Variants in NRXN1 observed in about 807,000 individuals in gnomAD.
NRXN1 encodes the protein neurexin 1.
Under a neutral mutation model 150.9 loss-of-function variants are expected in NRXN1, and 39 were observed. That is an observed-to-expected ratio of 0.26 (90% CI 0.20 to 0.34). The LOEUF is 0.34. Among genes scored for constraint, NRXN1 ranks in the 10% least tolerant of loss-of-function variants. The pLI is 1.00. For synonymous variants in NRXN1, 924 were observed against 757.0 expected (o/e 1.22, Z -3.62); for missense variants, 1,815 against 1,949.9 (o/e 0.93, Z 1.30).
chr2:50,510,409 C>T (rs1324929602), intron 12 of NRXN1, among the ~76,000 whole-genome samples: 1 of 141,002 alleles, frequency 7.1e-6, no homozygotes, highest in East Asian at 2.1e-4. Flanking sequence ...TTGCTTGAAC[C>T]CAGGAGGCGG....
chr2:51,023,039 T>G (rs1213986679), intron 2 of NRXN1, among the ~76,000 whole-genome samples: 1 of 152,170 alleles, frequency 6.6e-6, no homozygotes, highest in African/African-American at 2.4e-5. Context: ...GCCTTACATT[T>G]CAACACCTAA....
chr2:49,935,659 G>A (rs1670905322), intron 22 of NRXN1, among the ~76,000 whole-genome samples: 1 of 152,158 alleles, frequency 6.6e-6, no homozygotes, highest in Non-Finnish European at 1.5e-5. Context: ...GCTCCTCATG[G>A]AGGCAGCATG....
At chr2:50,503,626 A>G (rs978864172) in intron 13 of NRXN1, among the ~76,000 whole-genome samples, 10 of 152,116 alleles carry the variant, frequency 6.6e-5, no homozygotes, top group Non-Finnish European at 1.3e-4. Context: ...TTACAGCAGA[A>G]TGCTAAGCAT....
Position 50,662,461 on chromosome 2 carries a change from A to T in NRXN1, c.833-38846T>A, listed in dbSNP as rs1052343422. The stretch of plus-strand genomic sequence containing the variant: ...AACCTATTTCTTCTCTAATTAATAT[A>T]TTAGAAGGGTTTAGGGTAAGCTTCT... On this transcript the variant is annotated intron_variant, in intron 5 of 22. Transcript: ENST00000401669. Among the ~76,000 whole-genome samples, 4 of 152,056 alleles carry T rather than the reference A, an allele frequency of 2.6e-5. No homozygotes were observed. The East Asian group carries it at 7.8e-4, about 30-fold the overall frequency.
chr2:50,268,045 C>T, intron 17 of NRXN1, among the ~76,000 whole-genome samples: 1 of 152,052 alleles, frequency 6.6e-6, no homozygotes, highest in Non-Finnish European at 1.5e-5. Flanking sequence ...AAAAAATCAG[C>T]TGGGTGTGGT....
intron 8 of NRXN1, among the ~76,000 whole-genome samples, chr2:50,589,722 C>A (rs987087478): frequency 9.0e-6 from 1 of 110,866 alleles, no homozygotes; most frequent in African/African-American, 3.0e-5. Flanking sequence ...AGTAGGTTTG[C>A]AGCAAAACCC....
In NRXN1 at chr2:51,027,581, T is replaced by C. The variant is rs1279746176; in HGVS notation, c.693A>G (p.Gly231=). ...EEGEGGVCLN[G]GVCSVVDDQA... ...GGTCGTCCACCACGGAGCACACACCTCCGTTGAGGCACACCCCGCCCTCGC... is the reference window on the plus strand; with the variant it reads ...GGTCGTCCACCACGGAGCACACACCCCCGTTGAGGCACACCCCGCCCTCGC... The change falls in exon 2 of 23, where the codon GGA becomes GGG. Residue 231 remains glycine, a synonymous_variant. Coordinates refer to ENST00000401669, the MANE Select transcript of NRXN1 (RefSeq NM_001330078.2). 2 of 1,607,346 alleles carry C rather than the reference T, an allele frequency of 1.2e-6. No homozygotes were observed. The highest frequency in any genetic ancestry group is 1.7e-6 in the Non-Finnish European group (2 of 1,176,362).
intron 2 of NRXN1, among the ~76,000 whole-genome samples, chr2:50,985,713 G>A (rs527952834): frequency 1.8e-4 from 28 of 151,678 alleles, no homozygotes; most frequent in African/African-American, 6.3e-4. Context: ...GGAGAATTGA[G>A]ATATGGGAGG....
chr2:50,618,052 G>T, intron 8 of NRXN1, among the ~76,000 whole-genome samples: 1 of 152,094 alleles, frequency 6.6e-6, no homozygotes, highest in East Asian at 1.9e-4. Context: ...TTCTGCTAGA[G>T]TTCCCTCGAT....
chr2:50,410,850 G>A (rs2083098156), intron 17 of NRXN1, among the ~76,000 whole-genome samples: 1 of 152,102 alleles, frequency 6.6e-6, no homozygotes, highest in Non-Finnish European at 1.5e-5. Flanking sequence ...TCATTCCACT[G>A]TTGGTCTCTG....
intron 19 of NRXN1, among the ~76,000 whole-genome samples, chr2:50,064,990 G>C (rs1440017167): frequency 2.0e-5 from 3 of 152,100 alleles, no homozygotes; most frequent in African/African-American, 4.8e-5. Context: ...CAGAATCAAA[G>C]GATGGTTTTT....
At chr2:50,712,202 T>C (rs943867671) in intron 5 of NRXN1, among the ~76,000 whole-genome samples, 11 of 152,154 alleles carry the variant, frequency 7.2e-5, no homozygotes, top group African/African-American at 2.7e-4. Flanking sequence ...GAGAGTTTAA[T>C]AAACTGTTCA....
rs202199015 is a variant in NRXN1 at position 49,943,750 on chromosome 2, G to A, written c.4170C>T (p.Ser1390=). 7 of 1,612,280 alleles carry A rather than the reference G, an allele frequency of 4.3e-6. No individual in the cohort carries two copies. The African/African-American group carries it at 5.3e-5, about 12-fold the overall frequency. ...CACAGGGGTCAATGTCCTCATCATC[G>A]CTGGGACACTCTGCTGAGGCCACAA... ...DILVASAECP[S]DDEDIDPCEP... is the part of the protein sequence containing the mutation. Residue 1390 remains serine, a synonymous_variant, in exon 22 of 23, where the codon AGC becomes AGT. Transcript: ENST00000401669.
intron 17 of NRXN1, among the ~76,000 whole-genome samples, chr2:50,403,742 C>G (rs937637314): frequency 1.1e-4 from 16 of 151,962 alleles, no homozygotes; most frequent in Non-Finnish European, 2.4e-4. Flanking sequence ...TATTAATATA[C>G]ACATTTTATA....
intron 5 of NRXN1, among the ~76,000 whole-genome samples, chr2:50,682,530 G>A (rs1690559598): frequency 2.6e-5 from 4 of 152,276 alleles, no homozygotes; most frequent in African/African-American, 9.6e-5. Flanking sequence ...ACACACATAT[G>A]AGCACGAAAG....
intron 2 of NRXN1, among the ~76,000 whole-genome samples, chr2:50,983,666 G>A (rs1697199302): frequency 1.3e-5 from 2 of 151,906 alleles, no homozygotes; most frequent in Non-Finnish European, 1.5e-5. Context: ...ATATAATAGT[G>A]AAAATGTTTG....
At chr2:50,820,239 G>A (rs560512653) in intron 5 of NRXN1, among the ~76,000 whole-genome samples, 25 of 152,096 alleles carry the variant, frequency 1.6e-4, no homozygotes, top group Non-Finnish European at 3.4e-4. Context: ...TTGAATTTTA[G>A]TGCAGAATTG....
intron 5 of NRXN1, among the ~76,000 whole-genome samples, chr2:50,909,048 T>A (rs78485975): frequency 0.028 from 4,218 of 152,152 alleles, 82 homozygotes; most frequent in Non-Finnish European, 0.041. Context: ...GAAATATATT[T>A]ATAGAAAGTA....
At position 50,434,892 on chromosome 2, in the gene NRXN1, C is replaced by T. The variant is rs564003261; in HGVS notation, c.3364+30550G>A. On this transcript the variant is annotated intron_variant, in intron 17 of 22. Coordinates refer to ENST00000401669, the MANE Select transcript of NRXN1 (RefSeq NM_001330078.2). ...TGAGAAATTTGCCAACCCAGCTTGC[C>T]CACATATTTATATCTGTGTCAGGAT... Among the ~76,000 whole-genome samples the T allele has an allele frequency of 1.3e-4, 20 of 152,182 alleles. 2 individuals are homozygous for T. The South Asian group carries it at 4.1e-3, about 32-fold the overall frequency.
Sources: allele counts gnomAD v4.1 joint callset (sites outside exome capture counted in the v4.1 genomes callset), GRCh38; gene constraint gnomAD v4.1.1; transcripts MANE v1.5; gene names NCBI Gene and HGNC (gene_info 2026-07-23, HGNC 2026-07-21).